RSPH14: variants seen among roughly 807,000 people sequenced by gnomAD.
The protein encoded by RSPH14 is radial spoke head 14 homolog.
Under a neutral mutation model 26.7 loss-of-function variants are expected in RSPH14, and 20 were observed. That is an observed-to-expected ratio of 0.75 (90% CI 0.53 to 1.09). RSPH14 has a LOEUF of 1.09. Ranked by LOEUF, RSPH14 falls within the 50% of genes least tolerant of loss-of-function variation. The pLI is 0.00. For synonymous variants in RSPH14, 177 were observed against 189.3 expected (o/e 0.93, Z 0.53); for missense variants, 449 against 457.2 (o/e 0.98, Z 0.16).
intron 4 of RSPH14, among the ~76,000 whole-genome samples, chr22:23,128,423 C>G (rs1274586039): frequency 6.6e-6 from 1 of 152,200 alleles, no homozygotes; most frequent in African/African-American, 2.4e-5. Flanking sequence ...GGGCTGGCAG[C>G]CTGTGTGTGA....
intron 4 of RSPH14, among the ~76,000 whole-genome samples, chr22:23,129,236 T>C (rs1318345272): frequency 6.6e-6 from 1 of 152,076 alleles, no homozygotes; most frequent in Non-Finnish European, 1.5e-5. Flanking sequence ...CCACATTGCC[T>C]CCTTCCCTTC....
intron 6 of RSPH14, among the ~76,000 whole-genome samples, 166 bp from the exon 7 acceptor site, chr22:23,059,884 G>T (rs1041102769): frequency 6.6e-6 from 1 of 152,194 alleles, no homozygotes; most frequent in African/African-American, 2.4e-5. Flanking sequence ...TTGCACCTTC[G>T]CTGAGTCCGG....
intron 4 of RSPH14, 81 bp from the exon 5 acceptor site, chr22:23,064,214 A>T: frequency 7.7e-7 from 1 of 1,301,652 alleles, no homozygotes; most frequent in Non-Finnish European, 1.1e-6. Flanking sequence ...GGGCTCAAGG[A>T]GGGTCTTGCA....
At chr22:23,070,508 C>G (rs2146234902) in intron 4 of RSPH14, 1 of 150,550 alleles carries the variant, frequency 6.6e-6, no homozygotes, top group East Asian at 2.0e-4. Context: ...CCGTGCTCGC[C>G]GCCCCGCCCC....
chr22:23,171,398 G>A, the RSPH14 span, among the ~76,000 whole-genome samples: 5 of 152,064 alleles, frequency 3.3e-5, no homozygotes, highest in African/African-American at 1.2e-4. Context: ...CTAAAGCCCA[G>A]AACTCCTAGA....
At chr22:23,096,465 GT>G in intron 4 of RSPH14, 1 of 1,553,058 alleles carries the variant, frequency 6.4e-7, no homozygotes, top group Admixed American at 1.7e-5. Context: ...GCTGTCGTGG[GT>G]TCCTGGAAGC....
chr22:23,143,345 A>T (rs945062707), upstream of RSPH14, among the ~76,000 whole-genome samples: 6 of 151,918 alleles, frequency 3.9e-5, no homozygotes, highest in African/African-American at 4.8e-5. Flanking sequence ...ATATAATTTT[A>T]AAAAAAGATA....
intron 4 of RSPH14, among the ~76,000 whole-genome samples, chr22:23,128,550 CCCAGGGCCCCTGCAGGG>C (rs2070238188): frequency 6.6e-6 from 1 of 152,200 alleles, no homozygotes; most frequent in South Asian, 2.1e-4. Flanking sequence ...GCAGCTTGGG[CCCAGGGCCCCTGCAGGG>C]CCAGGGCCCA....
chr22:23,100,597 A>ACCCC, intron 4 of RSPH14, among the ~76,000 whole-genome samples: 1 of 151,734 alleles, frequency 6.6e-6, no homozygotes. Flanking sequence ...TTCCTGAGGA[A>ACCCC]CCCCTCCCCA....
Position 23,138,894 on chromosome 22 carries a change from A to C in RSPH14, c.248T>G (p.Val83Gly). 3 of 1,549,116 alleles carry C rather than the reference A, an allele frequency of 1.9e-6. No individual in the cohort carries two copies. The highest frequency in any genetic ancestry group is 2.0e-5 in the Admixed American group (1 of 50,888). ...GAGCACCTCGGTGGTCTTTATGCGC[A>C]CCATACTGTTGCTATCCTTCAGCAA... is the stretch of plus-strand genomic sequence containing the variant. ...KALLKDSNSM[V>G]RIKTTEVLHI... The change falls in exon 3 of 7, where the codon GTG (valine) becomes GGG (glycine). Residue 83 changes from valine to glycine, a missense_variant. Val to Gly is a moderately radical substitution (Grantham distance 109, BLOSUM62 -3). Transcript: ENST00000216036.
In RSPH14 at chr22:23,060,354, C is replaced by G. The variant is rs1251391881; in HGVS notation, c.791-636G>C. Among the ~76,000 whole-genome samples, 4 of 152,082 alleles carry G rather than the reference C, an allele frequency of 2.6e-5. No individual in the cohort carries two copies. The East Asian group carries it at 7.7e-4, about 29-fold the overall frequency. On this transcript the variant is annotated intron_variant, in intron 6 of 6. Transcript: ENST00000216036. ...GGCATGGTGGCGGGCGCCTGTAGTC[C>G]CAGCTACTCAGGAGGCTGAGGCAGG... is the stretch of plus-strand genomic sequence containing the variant.
At chr22:23,172,464 C>CA in the RSPH14 span, among the ~76,000 whole-genome samples, 7 of 151,552 alleles carry the variant, frequency 4.6e-5, no homozygotes, top group Admixed American at 2.0e-4. Context: ...CCTGTAATCC[C>CA]AGCACTTTGG....
At chr22:23,110,057 A>G (rs1257338174) in intron 4 of RSPH14, among the ~76,000 whole-genome samples, 1 of 152,150 alleles carries the variant, frequency 6.6e-6, no homozygotes, top group Non-Finnish European at 1.5e-5. Flanking sequence ...TTGGACTGTA[A>G]GTGACCCTGG....
At chr22:23,157,360 C>T in the RSPH14 span, among the ~76,000 whole-genome samples, 31 of 152,202 alleles carry the variant, frequency 2.0e-4, no homozygotes, top group Admixed American at 1.8e-3. Flanking sequence ...ACAACATTCT[C>T]CTCCCTCAGC....
the RSPH14 span, chr22:23,155,892 C>CCGTA: frequency 1.4e-6 from 2 of 1,380,008 alleles, no homozygotes; most frequent in Non-Finnish European, 2.0e-6. Flanking sequence ...ACCCATGGTC[C>CCGTA]CGTAGCCTGT....
At chr22:23,103,988 C>G (rs1438264207) in intron 4 of RSPH14, among the ~76,000 whole-genome samples, 1 of 152,156 alleles carries the variant, frequency 6.6e-6, no homozygotes, top group African/African-American at 2.4e-5. Context: ...TCCTCTGTCC[C>G]AAAGACCAAC....
At chr22:23,111,285 C>T (rs908826806) in intron 4 of RSPH14, among the ~76,000 whole-genome samples, 1 of 152,216 alleles carries the variant, frequency 6.6e-6, no homozygotes, top group African/African-American at 2.4e-5. Flanking sequence ...AGAGGCTCTC[C>T]TGTGACGTGG....
rs1416986523 is a variant in RSPH14 at position 23,064,065 on chromosome 22, C to T, written c.490G>A (p.Glu164Lys). 3 of 1,614,202 alleles carry T rather than the reference C, an allele frequency of 1.9e-6. No individual in the cohort carries two copies. Among genetic ancestry groups the T allele is most frequent in the Non-Finnish European group, 2.5e-6 (3 of 1,180,020 alleles). Reference sequence around the variant, plus strand: ...AGGATGAACTCCTGGAACTCCTCCTCCTCCACCTCCACCTGCAGCTTCCAT... The same window carrying T: ...AGGATGAACTCCTGGAACTCCTCCTTCTCCACCTCCACCTGCAGCTTCCAT... Reference protein sequence around the residue: ...LVWKLQVEVEEEEFQEFILDT... With the variant: ...LVWKLQVEVEKEEFQEFILDT... The change falls in exon 5 of 7, where the codon GAG becomes AAG. Residue 164 changes from glutamate to lysine, a missense_variant. Transcript: ENST00000216036.
intron 4 of RSPH14, among the ~76,000 whole-genome samples, chr22:23,096,943 C>G (rs774001275): frequency 6.6e-6 from 1 of 152,124 alleles, no homozygotes; most frequent in Non-Finnish European, 1.5e-5. Flanking sequence ...CAGTGTGAAG[C>G]GGTGGGGGCT....
Sources: allele counts gnomAD v4.1 joint callset (sites outside exome capture counted in the v4.1 genomes callset), GRCh38; gene constraint gnomAD v4.1.1; transcripts MANE v1.5; gene names NCBI Gene and HGNC (gene_info 2026-07-23, HGNC 2026-07-21).